KIF21A: variants seen among roughly 807,000 people sequenced by gnomAD.
The protein encoded by KIF21A is kinesin family member 21A.
A neutral mutation model predicts 202.9 loss-of-function variants in KIF21A; 114 were observed. The ratio of observed to expected loss-of-function variants is 0.56; its 90% CI spans 0.48 to 0.66. The LOEUF (loss-of-function observed/expected upper bound fraction) is 0.66, where lower values mean the gene tolerates loss of function less well. Ranked by LOEUF, KIF21A falls within the 30% of genes least tolerant of loss-of-function variation. The pLI, the probability that KIF21A is intolerant of heterozygous loss-of-function variation, is 0.00. For synonymous variants in KIF21A, 667 were observed against 670.8 expected (o/e 0.99, Z 0.09); for missense variants, 1,677 against 1,994.9 (o/e 0.84, Z 3.04).
intron 1 of KIF21A, among the ~76,000 whole-genome samples, chr12:39,409,833 G>A (rs1952933280): frequency 6.7e-6 from 1 of 149,814 alleles, no homozygotes; most frequent in South Asian, 2.1e-4. Context: ...CGAAGAAGCT[G>A]GCTTTTTTTT....
At chr12:39,384,563 T>C (rs1950820947) in intron 1 of KIF21A, among the ~76,000 whole-genome samples, 1 of 152,204 alleles carries the variant, frequency 6.6e-6, no homozygotes, top group Non-Finnish European at 1.5e-5. Flanking sequence ...AGGCAGGATA[T>C]AGAATATAGG....
chr12:39,342,069 C>T lies in KIF21A; in HGVS notation c.1768G>A (p.Gly590Ser), dbSNP rs1407646031. Residue 590 changes from glycine to serine, a missense_variant, in exon 13 of 38, where the codon GGT becomes AGT. This residue lies in a region of KIF21A where 966 missense variants were observed against 1,180.9 expected (regional missense o/e 0.82). Transcript: ENST00000361418. ...TCATTGTTTTCTCTTTCCGAAACAC[C>T]CTTTTCTTCTTTCTTCTCTTGGTCA... is the stretch of plus-strand genomic sequence containing the variant. ...DTDQEKKEEK[G>S]VSERENNELE... 3.1e-6 allele frequency: 5 copies of T among 1,611,854 alleles called. No individual in the cohort carries two copies. Among genetic ancestry groups the T allele is most frequent in the Non-Finnish European group, 3.4e-6 (4 of 1,178,290 alleles).
At chr12:39,348,975 G>A (rs1322113338) in intron 11 of KIF21A, among the ~76,000 whole-genome samples, 5 of 151,950 alleles carry the variant, frequency 3.3e-5, no homozygotes, top group Non-Finnish European at 5.9e-5. Context: ...AAATGGCTTT[G>A]TTCCTGAGTT....
At chr12:39,417,458 T>C (rs1027407474) in intron 1 of KIF21A, among the ~76,000 whole-genome samples, 12 of 152,074 alleles carry the variant, frequency 7.9e-5, no homozygotes, top group Non-Finnish European at 1.6e-4. Context: ...ACACAAGAAA[T>C]GAAAATATAT....
intron 8 of KIF21A, 130 bp downstream of exon 8, chr12:39,358,048 C>A (rs2138867422): frequency 1.3e-6 from 1 of 783,400 alleles, no homozygotes; most frequent in Non-Finnish European, 2.2e-6. Flanking sequence ...CTCTTACCTC[C>A]AAAAGGAAGG....
chr12:39,312,672 A>T (rs1345434011), intron 31 of KIF21A: 1 of 151,940 alleles, frequency 6.6e-6, no homozygotes, highest in Non-Finnish European at 1.5e-5. Flanking sequence ...AATTTAAAAT[A>T]AAAAAATTAA....
chr12:39,424,081 C>G (rs1592690234), intron 1 of KIF21A, among the ~76,000 whole-genome samples: 1 of 150,576 alleles, frequency 6.6e-6, no homozygotes, highest in African/African-American at 2.4e-5. Flanking sequence ...TTATTTGATA[C>G]CACTGTTTCT....
At chr12:39,315,263 G>A in intron 30 of KIF21A, 23 bp from the exon 31 acceptor site, 1 of 1,610,046 alleles carries the variant, frequency 6.2e-7, no homozygotes, top group East Asian at 2.2e-5. Flanking sequence ...AGCAAAAATG[G>A]CCATAAAACA....
chr12:39,363,427 A>G (rs1012230525), intron 6 of KIF21A, among the ~76,000 whole-genome samples: 10 of 152,212 alleles, frequency 6.6e-5, no homozygotes, highest in African/African-American at 1.9e-4. Flanking sequence ...TATTAGTACT[A>G]TAGTACTAAT....
chr12:39,295,707 T>TG (rs1942256922), intron 37 of KIF21A, among the ~76,000 whole-genome samples: 1 of 144,166 alleles, frequency 6.9e-6, no homozygotes, highest in South Asian at 2.3e-4. Context: ...TTTTTTTTTT[T>TG]TTTTTTTTTT....
In KIF21A at chr12:39,322,821, G is replaced by A; in HGVS notation, c.3518C>T (p.Ser1173Leu). 6.2e-7 allele frequency: 1 copy of A among 1,613,924 alleles called. No homozygotes were observed. Among genetic ancestry groups the A allele is most frequent in the African/African-American group, 1.3e-5 (1 of 75,034 alleles). ...GGAGGCATCTCCTGTACTAGTGTCTGAAGCTAGTTCACTGCTATCTGCATA... is the reference window on the plus strand; with the variant it reads ...GGAGGCATCTCCTGTACTAGTGTCTAAAGCTAGTTCACTGCTATCTGCATA... ...LLYADSSELA[S>L]DTSTGDASLP... The change falls in exon 27 of 38, where the codon TCA becomes TTA. Residue 1173 changes from serine to leucine, a missense_variant. This residue lies in a region of KIF21A where 705 missense variants were observed against 791.9 expected (regional missense o/e 0.89). Coordinates refer to ENST00000361418, the MANE Select transcript of KIF21A (RefSeq NM_001173464.2).
At chr12:39,296,358 C>T (rs1942369469) in intron 37 of KIF21A, among the ~76,000 whole-genome samples, 1 of 152,034 alleles carries the variant, frequency 6.6e-6, no homozygotes, top group Non-Finnish European at 1.5e-5. Flanking sequence ...CATGAGCCAC[C>T]ACGCCTGGCC....
chr12:39,305,710 C>T (rs1943406790), intron 34 of KIF21A, among the ~76,000 whole-genome samples: 1 of 152,130 alleles, frequency 6.6e-6, no homozygotes, highest in Admixed American at 6.5e-5. Context: ...AATTTTAACT[C>T]CAACCTAAAT....
chr12:39,436,448 ATTT>A (rs1160949360), intron 1 of KIF21A, among the ~76,000 whole-genome samples: 7 of 95,760 alleles, frequency 7.3e-5, no homozygotes, highest in African/African-American at 3.5e-4. Context: ...ATATATATAT[ATTT>A]TTTTTTTTTT....
Position 39,356,876 on chromosome 12 carries a change from A to G in KIF21A, c.1425T>C (p.Ile475=), listed in dbSNP as rs753402166. The change falls in exon 10 of 38, where the codon ATT becomes ATC. Residue 475 remains isoleucine (I), a synonymous_variant. Transcript: ENST00000361418. ...TTATATAACTATGAATCATATTACT[A>G]ATCTCCTCATTTCCTTCACCTGAAA... ...LARAGEGNEE[I]SNMIHSYIKE... is the part of the protein sequence containing the mutation. The G allele has an allele frequency of 9.9e-6, 13 of 1,308,996 alleles. No homozygotes were observed. The South Asian group carries it at 1.6e-4, about 16-fold the overall frequency. 81.1% of individuals were successfully genotyped at this position (1,308,996 alleles called of 1,614,324 possible).
chr12:39,395,224 T>C (rs932092751), intron 1 of KIF21A, among the ~76,000 whole-genome samples: 6 of 152,192 alleles, frequency 3.9e-5, no homozygotes, highest in African/African-American at 1.4e-4. Context: ...ATTCTAATTT[T>C]CCTATTTAAA....
intron 10 of KIF21A, among the ~76,000 whole-genome samples, chr12:39,356,161 C>G (rs963573543): frequency 5.3e-5 from 8 of 152,238 alleles, no homozygotes; most frequent in African/African-American, 1.9e-4. Flanking sequence ...TTTCCCAACC[C>G]TATTCCCCAA....
Position 39,311,419 on chromosome 12 carries a change from T to C in KIF21A, c.4094A>G (p.Lys1365Arg). ...CTGCATTAGATAACTACTAGCACCT[T>C]TTGATCCAGTGAAGAGGAGATCATC... ...STDDLLFTGSKDRTCKVWNLV... is the reference protein window; with the variant it reads ...STDDLLFTGSRDRTCKVWNLV... The change falls in exon 32 of 38, where the codon AAA becomes AGA. Residue 1365 changes from lysine (K) to arginine (R), a missense_variant and splice_region_variant. This residue lies in a region of KIF21A where 705 missense variants were observed against 791.9 expected (regional missense o/e 0.89). Coordinates refer to ENST00000361418, the MANE Select transcript of KIF21A (RefSeq NM_001173464.2). 1 of 1,612,818 alleles carries C rather than the reference T, an allele frequency of 6.2e-7. No homozygotes were observed. The highest frequency in any genetic ancestry group is 8.5e-7 in the Non-Finnish European group (1 of 1,179,012).
chr12:39,403,067 A>G (rs2139890730), intron 1 of KIF21A, among the ~76,000 whole-genome samples: 1 of 152,224 alleles, frequency 6.6e-6, no homozygotes, highest in Non-Finnish European at 1.5e-5. Context: ...TTAAAAGTCA[A>G]GAGCTCAGTA....
Sources: allele counts gnomAD v4.1 joint callset (sites outside exome capture counted in the v4.1 genomes callset), GRCh38; gene constraint gnomAD v4.1.1; regional missense constraint gnomAD v4.1.1; transcripts MANE v1.5; gene names NCBI Gene and HGNC (gene_info 2026-07-23, HGNC 2026-07-21).